Variants in ASH1L observed in about 807,000 individuals in gnomAD.
ASH1L encodes the protein ASH1 like histone lysine methyltransferase, also known as histone-lysine N-methyltransferase ASH1L.
In ASH1L, 23 loss-of-function variants were observed where a neutral mutation model predicts 269.0. The ratio of observed to expected loss-of-function variants is 0.09; its 90% CI spans 0.06 to 0.12. The LOEUF is 0.12. ASH1L is among the 10% of genes least tolerant of loss of function. The probability of loss-of-function intolerance (pLI) is 1.00; values close to 1 mark genes in which losing one functional copy is unlikely to be tolerated. For missense variants in ASH1L, 2,912 were observed against 3,567.8 expected (o/e 0.82, Z 4.68); for synonymous variants, 1,187 against 1,253.5 (o/e 0.95, Z 1.12).
intron 2 of ASH1L, among the ~76,000 whole-genome samples, chr1:155,483,769 T>A (rs1666115721): frequency 6.7e-6 from 1 of 148,814 alleles, no homozygotes; most frequent in Admixed American, 6.7e-5. Flanking sequence ...ACTGGCTGAA[T>A]AAAGTAAGGT....
chr1:155,486,428 T>TAA (rs892364340), intron 2 of ASH1L, among the ~76,000 whole-genome samples: 242 of 133,108 alleles, frequency 1.8e-3, no homozygotes, highest in African/African-American at 6.5e-3. Flanking sequence ...GTACCAAAAA[T>TAA]AAAAAAAAAA....
intron 2 of ASH1L, among the ~76,000 whole-genome samples, chr1:155,515,644 A>G (rs1276827635): frequency 6.6e-6 from 1 of 151,976 alleles, no homozygotes; most frequent in African/African-American, 2.4e-5. Flanking sequence ...CCTGGCCAAC[A>G]TGGTGAAACC....
chr1:155,525,140 G>A (rs1462025928), intron 1 of ASH1L, among the ~76,000 whole-genome samples: 3 of 151,878 alleles, frequency 2.0e-5, no homozygotes, highest in East Asian at 2.0e-4. Flanking sequence ...CCAGCTACTC[G>A]GGAGGATGAG....
In ASH1L at chr1:155,496,804, A is replaced by AT. The variant is rs796469141; in HGVS notation, c.421-14356dup. ...CAAGCATGTGCAATCACGCTTGGCT[A>AT]TTTTTTTTTTTTAATTTTTGTAGAG... is the stretch of plus-strand genomic sequence containing the variant. On this transcript the variant is annotated intron_variant, in intron 2 of 27. Transcript: ENST00000392403. Among the ~76,000 whole-genome samples the AT allele has an allele frequency of 1.4e-3, 202 of 144,422 alleles. 1 individual carries two copies. Among genetic ancestry groups the AT allele is most frequent in the East Asian group, 8.4e-3 (42 of 4,980 alleles). The allele number at this position is 144,422 out of a possible 152,430, so 94.7% of individuals were successfully genotyped here. A position where few individuals can be genotyped will look rare whatever the true frequency, so the allele number is the denominator to read the frequency against.
At chr1:155,387,539 T>C (rs990290011) in intron 7 of ASH1L, among the ~76,000 whole-genome samples, 4 of 152,242 alleles carry the variant, frequency 2.6e-5, no homozygotes, top group African/African-American at 9.6e-5. Context: ...ACTGTAGCCC[T>C]GTAGTATAGT....
chr1:155,475,300 C>T (rs1449855794), intron 3 of ASH1L, among the ~76,000 whole-genome samples: 1 of 152,096 alleles, frequency 6.6e-6, no homozygotes, highest in African/African-American at 2.4e-5. Flanking sequence ...CCATGCCCGG[C>T]TGATTTTTGT....
chr1:155,338,804 A>G (rs977430278), intron 26 of ASH1L, among the ~76,000 whole-genome samples: 5 of 152,214 alleles, frequency 3.3e-5, no homozygotes, highest in Admixed American at 2.0e-4. Context: ...CAATAGTCTA[A>G]TATTTTCTCC....
Position 155,395,668 on chromosome 1 carries a change from A to G in ASH1L, c.6009-115T>C, listed in dbSNP as rs902955655. 1.4e-5 allele frequency: 5 copies of G among 345,704 alleles called. No individual in the cohort carries two copies. In the East Asian group the frequency reaches 2.4e-4, roughly 17 times the overall value. 21.4% of individuals were successfully genotyped at this position (345,704 alleles called of 1,614,324 possible). On this transcript the variant is annotated intron_variant, in intron 6 of 27. Coordinates refer to ENST00000392403, the MANE Select transcript of ASH1L (RefSeq NM_018489.3). ...AGGGTACCAAGTACATTGATAAATTAAAAAAAAAAATCTTTACTTCTGAAA... is the reference window on the plus strand; with the variant it reads ...AGGGTACCAAGTACATTGATAAATTGAAAAAAAAAATCTTTACTTCTGAAA...
At chr1:155,358,725 G>A (rs996431836) in intron 13 of ASH1L, 3 of 151,346 alleles carry the variant, frequency 2.0e-5, no homozygotes, top group Non-Finnish European at 4.4e-5. Context: ...AACATGAAAT[G>A]CTTCAGTAAT....
Position 155,439,024 on chromosome 1 carries a change from C to T in ASH1L, c.5131G>A (p.Asp1711Asn), listed in dbSNP as rs762967225. 1 of 1,612,920 alleles carries T rather than the reference C, an allele frequency of 6.2e-7. No individual in the cohort carries two copies. Among genetic ancestry groups the T allele is most frequent in the Non-Finnish European group, 8.5e-7 (1 of 1,179,498 alleles). Residue 1711 changes from aspartate to asparagine, a missense_variant, in exon 5 of 28, where the codon GAT (aspartate) becomes AAT (asparagine). Asp to Asn is a conservative substitution (Grantham distance 23). This residue lies in a region of ASH1L where 789 missense variants were observed against 897.6 expected (regional missense o/e 0.88). Transcript: ENST00000392403. ...TGCAGCAGACTATCCACAGAGTCATCCCCAGAAGCAACTAATCTTGGACTT... is the reference window on the plus strand; with the variant it reads ...TGCAGCAGACTATCCACAGAGTCATTCCCAGAAGCAACTAATCTTGGACTT... ...SRSPRLVASG[D>N]DSVDSLLQRM...
intron 17 of ASH1L, among the ~76,000 whole-genome samples, chr1:155,351,296 TC>T (rs1025205026): frequency 7.3e-5 from 11 of 151,006 alleles, no homozygotes; most frequent in African/African-American, 2.7e-4. Context: ...ACGCCTGTAA[TC>T]CCAGCACTTT....
intron 4 of ASH1L, 42 bp downstream of exon 4, chr1:155,459,755 G>C: frequency 6.8e-7 from 1 of 1,477,252 alleles, no homozygotes; most frequent in Non-Finnish European, 9.4e-7. Flanking sequence ...AATAACAAAT[G>C]GGAAACTATC....
intron 2 of ASH1L, among the ~76,000 whole-genome samples, chr1:155,498,377 A>G (rs1667294270): frequency 1.3e-5 from 2 of 152,148 alleles, no homozygotes; most frequent in Admixed American, 6.5e-5. Flanking sequence ...AGACGGGACT[A>G]CAGGCACACA....
intron 3 of ASH1L, among the ~76,000 whole-genome samples, chr1:155,473,587 C>T (rs904355605): frequency 2.0e-5 from 3 of 150,532 alleles, no homozygotes; most frequent in African/African-American, 7.4e-5. Flanking sequence ...GCCTTGAACT[C>T]CCGGGCTCAA....
chr1:155,411,215 A>C (rs1007015094), intron 6 of ASH1L, among the ~76,000 whole-genome samples: 3 of 152,152 alleles, frequency 2.0e-5, no homozygotes, highest in Non-Finnish European at 4.4e-5. Flanking sequence ...TAACAACAAA[A>C]TAGCCAGCCC....
chr1:155,440,621 CCCTT>C (rs1457970816), intron 4 of ASH1L: 9 of 587,440 alleles, frequency 1.5e-5, no homozygotes, highest in Non-Finnish European at 1.9e-5. Flanking sequence ...GAAAAATGAC[CCCTT>C]CCTTTTCTCC....
intron 7 of ASH1L, among the ~76,000 whole-genome samples, chr1:155,392,330 T>G (rs922770902): frequency 6.6e-6 from 1 of 152,182 alleles, no homozygotes; most frequent in Non-Finnish European, 1.5e-5. Flanking sequence ...AACTGGGACC[T>G]GGCCACAGAT....
At chr1:155,459,242 C>G (rs1182413881) in intron 4 of ASH1L, among the ~76,000 whole-genome samples, 3 of 151,820 alleles carry the variant, frequency 2.0e-5, no homozygotes, top group Non-Finnish European at 2.9e-5. Flanking sequence ...GTCACCCAGG[C>G]TGGAAAGCAG....
chr1:155,406,132 G>A (rs1242327919), intron 6 of ASH1L, among the ~76,000 whole-genome samples: 1 of 150,296 alleles, frequency 6.7e-6, no homozygotes, highest in Non-Finnish European at 1.5e-5. Flanking sequence ...TAAACCCAGG[G>A]GGCGAAGGTT....
Sources: allele counts gnomAD v4.1 joint callset (sites outside exome capture counted in the v4.1 genomes callset), GRCh38; gene constraint gnomAD v4.1.1; regional missense constraint gnomAD v4.1.1; transcripts MANE v1.5; gene names NCBI Gene and HGNC (gene_info 2026-07-23, HGNC 2026-07-21).